KCNIP4: variants seen among roughly 807,000 people sequenced by gnomAD.
KCNIP4 encodes the protein Kv channel-interacting protein 4.
In KCNIP4, 12 loss-of-function variants were observed where a neutral mutation model predicts 34.0. That is an observed-to-expected ratio of 0.35 (90% CI 0.23 to 0.57). KCNIP4 has a LOEUF of 0.57. Ranked by LOEUF, KCNIP4 falls within the 20% of genes least tolerant of loss-of-function variation. The pLI, the probability that KCNIP4 is intolerant of heterozygous loss-of-function variation, is 0.83. For missense variants in KCNIP4, 238 were observed against 311.7 expected, an observed-to-expected ratio of 0.76 and a Z score of 1.78; for synonymous variants, 124 against 102.2, an observed-to-expected ratio of 1.21 and a Z score of -1.29.
At chr4:20,953,180 C>T (rs1403990895) in intron 1 of KCNIP4, among the ~76,000 whole-genome samples, 1 of 152,194 alleles carries the variant, frequency 6.6e-6, no homozygotes, top group African/African-American at 2.4e-5. Context: ...ACTGTCTTTC[C>T]TTGCAGTCAA....
At chr4:20,947,066 G>C (rs1048169529) in intron 1 of KCNIP4, among the ~76,000 whole-genome samples, 11 of 152,114 alleles carry the variant, frequency 7.2e-5, no homozygotes, top group Non-Finnish European at 4.4e-5. Context: ...GCTCCCCTAA[G>C]CTCCCCTTAG....
intron 1 of KCNIP4, among the ~76,000 whole-genome samples, chr4:21,798,520 A>T (rs1401127822): frequency 2.6e-5 from 1 of 38,828 alleles, no homozygotes; most frequent in Non-Finnish European, 4.3e-5. Flanking sequence ...GGGAAAAAAA[A>T]AAAAAAAAAA....
chr4:21,290,406 A>G (rs942671095), intron 1 of KCNIP4, among the ~76,000 whole-genome samples: 5 of 152,186 alleles, frequency 3.3e-5, no homozygotes, highest in Non-Finnish European at 5.9e-5. Context: ...TTAACCTCCA[A>G]AAAAAGCTAC....
intron 1 of KCNIP4, among the ~76,000 whole-genome samples, chr4:21,613,126 G>T (rs994880838): frequency 6.6e-6 from 1 of 152,128 alleles, no homozygotes; most frequent in Non-Finnish European, 1.5e-5. Context: ...CCATAATCCA[G>T]TGTATTCATT....
At chr4:21,489,139 T>C (rs1732155653) in intron 1 of KCNIP4, among the ~76,000 whole-genome samples, 2 of 152,086 alleles carry the variant, frequency 1.3e-5, no homozygotes, top group African/African-American at 4.8e-5. Context: ...TATTTGCATA[T>C]GTTTGTGAGC....
At chr4:21,500,099 C>T (rs915624060) in intron 1 of KCNIP4, among the ~76,000 whole-genome samples, 2 of 152,070 alleles carry the variant, frequency 1.3e-5, no homozygotes, top group South Asian at 4.1e-4. Context: ...TTTTATGAAG[C>T]CCAACATGTA....
At chr4:21,780,297 G>T (rs115735361) in intron 1 of KCNIP4, among the ~76,000 whole-genome samples, 4,301 of 152,114 alleles carry the variant, frequency 0.028, 188 homozygotes, top group African/African-American at 0.097. Flanking sequence ...CTCCCAAAGG[G>T]TCAAAAATTC....
At chr4:20,733,189 G>GA (rs548658730) in intron 6 of KCNIP4, among the ~76,000 whole-genome samples, 1 of 152,066 alleles carries the variant, frequency 6.6e-6, no homozygotes, top group Non-Finnish European at 1.5e-5. Flanking sequence ...CGTATATTGA[G>GA]AAAAAACACC....
At chr4:21,519,695 CGTGT>C (rs1306710998) in intron 1 of KCNIP4, among the ~76,000 whole-genome samples, 3 of 133,630 alleles carry the variant, frequency 2.2e-5, no homozygotes, top group African/African-American at 5.9e-5. Flanking sequence ...TATATACACA[CGTGT>C]GTGTATGTAT....
intron 1 of KCNIP4, among the ~76,000 whole-genome samples, chr4:21,522,370 C>A (rs1383722869): frequency 2.0e-5 from 3 of 152,016 alleles, no homozygotes; most frequent in African/African-American, 7.2e-5. Context: ...GTATATTCTG[C>A]AGCCTCAACT....
intron 1 of KCNIP4, among the ~76,000 whole-genome samples, chr4:21,796,239 A>T (rs531433727): frequency 6.6e-6 from 1 of 152,144 alleles, no homozygotes; most frequent in South Asian, 2.1e-4. Flanking sequence ...TTCTTACACA[A>T]TTTTTTCTCT....
intron 1 of KCNIP4, among the ~76,000 whole-genome samples, chr4:21,399,881 T>C (rs1477170292): frequency 6.6e-6 from 1 of 152,080 alleles, no homozygotes; most frequent in Non-Finnish European, 1.5e-5. Flanking sequence ...GCAGGGCCAG[T>C]AGAGAAAGGA....
chr4:20,909,233 G>T (rs1334655945), intron 1 of KCNIP4, among the ~76,000 whole-genome samples: 5 of 152,060 alleles, frequency 3.3e-5, no homozygotes, highest in African/African-American at 1.2e-4. Flanking sequence ...TAATTTTTTT[G>T]TTATTTTACT....
chr4:21,802,349 G>A (rs949432102), intron 1 of KCNIP4, among the ~76,000 whole-genome samples: 3 of 151,962 alleles, frequency 2.0e-5, no homozygotes, highest in East Asian at 1.9e-4. Context: ...TATTATCCTC[G>A]CTTTACAAGG....
intron 1 of KCNIP4, among the ~76,000 whole-genome samples, chr4:21,705,070 T>C (rs763971363): frequency 3.2e-4 from 48 of 152,166 alleles, no homozygotes; most frequent in Non-Finnish European, 6.2e-4. Flanking sequence ...ACAATTTAGA[T>C]GGCTTTCAAG....
At chr4:21,746,224 TATC>T (rs1288274538) in intron 1 of KCNIP4, among the ~76,000 whole-genome samples, 1 of 152,184 alleles carries the variant, frequency 6.6e-6, no homozygotes, top group African/African-American at 2.4e-5. Flanking sequence ...TCAAATATAG[TATC>T]ATGCTGAGGT....
intron 1 of KCNIP4, among the ~76,000 whole-genome samples, chr4:21,040,750 TGG>T (rs1486112630): frequency 6.6e-6 from 1 of 152,070 alleles, no homozygotes; most frequent in Admixed American, 6.6e-5. Flanking sequence ...GACTCATGAA[TGG>T]GATCCCAGGC....
chr4:20,896,088 C>A (rs540552467), intron 1 of KCNIP4, among the ~76,000 whole-genome samples: 7 of 152,226 alleles, frequency 4.6e-5, no homozygotes, highest in African/African-American at 1.4e-4. Flanking sequence ...GATGGTCTGG[C>A]AACCTTTTGT....
At chr4:20,982,094 C>T (rs769920692) in intron 1 of KCNIP4, among the ~76,000 whole-genome samples, 6 of 152,098 alleles carry the variant, frequency 3.9e-5, no homozygotes, top group East Asian at 1.9e-4. Flanking sequence ...AATCGTTGCC[C>T]GGGGCCTTAC....
Sources: gnomAD v4.1 joint callset for allele counts (sites outside exome capture counted in the v4.1 genomes callset) on GRCh38, gnomAD v4.1.1 for gene constraint, MANE v1.5 for transcripts, NCBI Gene and HGNC (gene_info 2026-07-23, HGNC 2026-07-21) for gene names.